The following UGT1A7 variants were observed in gnomAD, a reference collection of about 807,000 sequenced individuals.
The protein encoded by UGT1A7 is UDP-glucuronosyltransferase 1A7.
A neutral mutation model predicts 45.6 loss-of-function variants in UGT1A7; 33 were observed. The observed-to-expected ratio is 0.72, with a 90% CI of 0.55 to 0.97. The LOEUF is 0.97. UGT1A7 is among the 50% of genes least tolerant of loss of function. The probability of loss-of-function intolerance (pLI) is 0.00; values close to 1 mark genes in which losing one functional copy is unlikely to be tolerated. For synonymous variants in UGT1A7, 274 were observed against 250.6 expected, an observed-to-expected ratio of 1.09 and a Z score of -0.88; for missense variants, 684 against 666.2, an observed-to-expected ratio of 1.03 and a Z score of -0.29.
rs1392909464 is a variant in UGT1A7 at position 233,754,916 on chromosome 2, C to T, written c.856-12118C>T. 5.9e-6 allele frequency: 8 copies of T among 1,353,400 alleles called. No homozygotes were observed. The Admixed American group carries it at 9.5e-5, about 16-fold the overall frequency. The allele number at this position is 1,353,400 out of a possible 1,614,324, so 83.8% of individuals were successfully genotyped here. On this transcript the variant is annotated intron_variant, in intron 1 of 4. Coordinates refer to ENST00000373426, the MANE Select transcript of UGT1A7 (RefSeq NM_019077.3). ...TCTGACCCCCCAAAATATTCTCCAG[C>T]GGGTTTCCCAAGAGGTCAAAGGAGA...
At chr2:233,708,864 A>C (rs751594511) in intron 1 of UGT1A7, among the ~76,000 whole-genome samples, 39 of 148,722 alleles carry the variant, frequency 2.6e-4, no homozygotes, top group Non-Finnish European at 4.3e-4. Flanking sequence ...AATCTCTTTT[A>C]TTGGTTCACA....
At chr2:233,733,541 C>T (rs1172335855) in intron 1 of UGT1A7, among the ~76,000 whole-genome samples, 2 of 152,150 alleles carry the variant, frequency 1.3e-5, no homozygotes, top group Non-Finnish European at 2.9e-5. Context: ...TTGTTGAAGG[C>T]CTTTTCTGCA....
At chr2:233,768,166 A>G in intron 3 of UGT1A7, 54 bp from the exon 4 acceptor site, 2 of 1,613,684 alleles carry the variant, frequency 1.2e-6, no homozygotes, top group Non-Finnish European at 1.7e-6. Flanking sequence ...AGATGTGTCC[A>G]GCTGTGAAAC....
intron 1 of UGT1A7, among the ~76,000 whole-genome samples, chr2:233,715,584 C>T (rs562671697): frequency 6.6e-6 from 1 of 151,992 alleles, no homozygotes; most frequent in Admixed American, 6.6e-5. Context: ...GCAGCCTGGG[C>T]AACATGCTGA....
chr2:233,689,192 G>C (rs1014208680), intron 1 of UGT1A7, among the ~76,000 whole-genome samples: 1 of 152,176 alleles, frequency 6.6e-6, no homozygotes, highest in Admixed American at 6.5e-5. Context: ...CCCTGGAACT[G>C]TCTGGCTGGG....
intron 1 of UGT1A7, chr2:233,713,887 T>G (rs1373894337): frequency 1.9e-6 from 3 of 1,613,356 alleles, no homozygotes; most frequent in Non-Finnish European, 2.5e-6. Context: ...ATCCAATCAA[T>G]GTTCCAGGCA....
At chr2:233,742,757 A>G (rs968540830) in intron 1 of UGT1A7, 1 of 153,060 alleles carries the variant, frequency 6.5e-6, no homozygotes, top group African/African-American at 2.4e-5. Flanking sequence ...AAATATTAAG[A>G]TAATAAATGC....
At chr2:233,733,555 G>A (rs1474248933) in intron 1 of UGT1A7, among the ~76,000 whole-genome samples, 2 of 152,168 alleles carry the variant, frequency 1.3e-5, no homozygotes, top group East Asian at 1.9e-4. Context: ...TTCTGCATCT[G>A]TTGAAATAAT....
At chr2:233,738,656 G>A (rs1275233800) in intron 1 of UGT1A7, among the ~76,000 whole-genome samples, 1 of 152,108 alleles carries the variant, frequency 6.6e-6, no homozygotes, top group Non-Finnish European at 1.5e-5. Context: ...TTGGAACTAC[G>A]AACTTGAGAG....
In UGT1A7 at chr2:233,729,945, G is replaced by A. The variant is rs752275204; in HGVS notation, c.856-37089G>A. ...ACCCCAGGCCAATCATGCCCAACAT[G>A]GTCTTCATTGGGGGCATCAACTGTG... On this transcript the variant is annotated intron_variant, in intron 1 of 4. Coordinates refer to ENST00000373426, the MANE Select transcript of UGT1A7 (RefSeq NM_019077.3). The A allele has an allele frequency of 3.7e-6, 6 of 1,613,976 alleles. No individual in the cohort carries two copies. Among genetic ancestry groups the A allele is most frequent in the Admixed American group, 1.7e-5 (1 of 60,020 alleles).
chr2:233,706,256 G>A (rs1203609602), intron 1 of UGT1A7, among the ~76,000 whole-genome samples: 2 of 152,248 alleles, frequency 1.3e-5, no homozygotes, highest in African/African-American at 4.8e-5. Context: ...AACCAGGGCA[G>A]CTGGATTGCC....
At chr2:233,702,441 A>T (rs897669442) in intron 1 of UGT1A7, among the ~76,000 whole-genome samples, 12 of 152,156 alleles carry the variant, frequency 7.9e-5, no homozygotes, top group Non-Finnish European at 1.5e-4. Flanking sequence ...TCTAATAAGG[A>T]TAACATTTAT....
chr2:233,682,201 G>A lies in UGT1A7; in HGVS notation c.264G>A (p.Arg88=). 6.2e-7 allele frequency: 1 copy of A among 1,614,168 alleles called. No homozygotes were observed. Among genetic ancestry groups the A allele is most frequent in the South Asian group, 1.1e-5 (1 of 91,076 alleles). ...STSYTLEDQD[R]EFMVFADARW... is the part of the protein sequence containing the mutation. ...CATACACTCTGGAGGATCAGGACCGGGAGTTCATGGTTTTTGCCGATGCTC... is the reference window on the plus strand; with the variant it reads ...CATACACTCTGGAGGATCAGGACCGAGAGTTCATGGTTTTTGCCGATGCTC... The change falls in exon 1 of 5, where the codon CGG becomes CGA. Residue 88 remains arginine (R), a synonymous_variant. Transcript: ENST00000373426.
intron 1 of UGT1A7, chr2:233,760,696 A>G (rs1165584842): frequency 6.2e-7 from 1 of 1,614,168 alleles, no homozygotes; most frequent in South Asian, 1.1e-5. Context: ...CAAGGAGCTC[A>G]TGGCCTCCCT....
At position 233,772,405 on chromosome 2, in the gene UGT1A7, G is replaced by T. The variant is rs1176419046; in HGVS notation, c.1439G>T (p.Trp480Leu). Residue 480 changes from tryptophan to leucine, a missense_variant, in exon 5 of 5, where the codon TGG (tryptophan) becomes TTG (leucine). Coordinates refer to ENST00000373426, the MANE Select transcript of UGT1A7 (RefSeq NM_019077.3). ...CGCCCCGCAGCCCACGACCTCACCT[G>T]GTACCAGTACCATTCCTTGGACGTG... ...HLRPAAHDLTWYQYHSLDVIG... is the reference protein window; with the variant it reads ...HLRPAAHDLTLYQYHSLDVIG... 1.2e-6 allele frequency: 2 copies of T among 1,614,224 alleles called. No individual in the cohort carries two copies. Among genetic ancestry groups the T allele is most frequent in the South Asian group, 1.1e-5 (1 of 91,090 alleles).
intron 1 of UGT1A7, among the ~76,000 whole-genome samples, chr2:233,684,966 G>A (rs543778082): frequency 2.0e-4 from 30 of 152,256 alleles, no homozygotes; most frequent in Non-Finnish European, 3.8e-4. Flanking sequence ...TGAAAAGAAA[G>A]CATTGCTTGA....
intron 1 of UGT1A7, among the ~76,000 whole-genome samples, chr2:233,733,037 G>T (rs562709334): frequency 5.5e-4 from 83 of 152,142 alleles, no homozygotes; most frequent in Non-Finnish European, 1.1e-3. Context: ...TCCCTTTTAA[G>T]TTGGATTCCT....
chr2:233,683,428 C>A (rs1307985094), intron 1 of UGT1A7, among the ~76,000 whole-genome samples: 1 of 152,046 alleles, frequency 6.6e-6, no homozygotes, highest in East Asian at 1.9e-4. Context: ...GGTTTATGAG[C>A]AATAATAAGA....
rs17863788 is a variant in UGT1A7, at chr2:233,705,853, T to C, written c.855+23061T>C. 6.0e-3 allele frequency among the ~76,000 whole-genome samples: 911 copies of C among 152,278 alleles called. 8 individuals carry two copies. Among genetic ancestry groups the C allele is most frequent in the Middle Eastern group, 0.014 (4 of 294 alleles). ...AGTGGCTGGAGCTGAAGTGGGAAGCTGAGGCAGGCAGATCACTTGAGGCCA... is the reference window on the plus strand; with the variant it reads ...AGTGGCTGGAGCTGAAGTGGGAAGCCGAGGCAGGCAGATCACTTGAGGCCA... On this transcript the variant is annotated intron_variant, in intron 1 of 4. Coordinates refer to ENST00000373426, the MANE Select transcript of UGT1A7 (RefSeq NM_019077.3).
Sources: allele counts gnomAD v4.1 joint callset (sites outside exome capture counted in the v4.1 genomes callset), GRCh38; gene constraint gnomAD v4.1.1; transcripts MANE v1.5; gene names NCBI Gene and HGNC (gene_info 2026-07-23, HGNC 2026-07-21).